TBC1D21: variants seen among roughly 807,000 people sequenced by gnomAD.
TBC1D21 encodes male germ cell Rab GTPase-activating protein.
TBC1D21 carries 38 observed loss-of-function variants against 46.0 expected under a neutral mutation model. The observed-to-expected ratio is 0.83, with a 90% confidence interval of 0.64 to 1.08. TBC1D21 has a LOEUF of 1.08. Among genes scored for constraint, TBC1D21 ranks in the 50% least tolerant of loss-of-function variants. TBC1D21 has a pLI of 0.00. For missense variants in TBC1D21, 415 were observed against 417.9 expected, an observed-to-expected ratio of 0.99 and a Z score of 0.06; for synonymous variants, 151 against 157.2, an observed-to-expected ratio of 0.96 and a Z score of 0.29.
At chr15:73,889,655 T>G (rs1595828827), downstream of TBC1D21, among the ~76,000 whole-genome samples, 1 of 152,236 alleles carries the variant, frequency 6.6e-6, no homozygotes, top group East Asian at 1.9e-4. Context: ...CTGGAAGAAC[T>G]ATCTGATGAG....
At chr15:73,892,659 C>T (rs2068346265), downstream of TBC1D21, among the ~76,000 whole-genome samples, 1 of 152,256 alleles carries the variant, frequency 6.6e-6, no homozygotes, top group South Asian at 2.1e-4. Flanking sequence ...CACACTCATT[C>T]GTTCACACAC....
the TBC1D21 span, among the ~76,000 whole-genome samples, chr15:73,907,099 C>A: frequency 4.4e-4 from 67 of 151,638 alleles, no homozygotes; most frequent in African/African-American, 1.6e-3. Flanking sequence ...TCCTCCTCCT[C>A]CTTCTCCTCC....
chr15:73,875,246 CA>C (rs36042249), intron 1 of TBC1D21, among the ~76,000 whole-genome samples: 58,634 of 102,428 alleles, frequency 0.57, 14,293 homozygotes, highest in Middle Eastern at 0.67. Flanking sequence ...GAGACTCCAT[CA>C]AAAAAAAAAA....
In TBC1D21 at chr15:73,886,137, G is replaced by A; in HGVS notation, c.639G>A (p.Leu213=). The A allele has an allele frequency of 6.2e-7, 1 of 1,614,210 alleles. No individual in the cohort carries two copies. ...VAKNLDMLST[L]ITFLDPVFAE... ...AGAACCTAGACATGCTCAGCACCCTGATCACCTTCCTGGACCCCGTGTTTG... is the reference window on the plus strand; with the variant it reads ...AGAACCTAGACATGCTCAGCACCCTAATCACCTTCCTGGACCCCGTGTTTG... The change falls in exon 7 of 11, where the codon CTG becomes CTA. Residue 213 remains leucine, a synonymous_variant. Transcript: ENST00000300504.
chr15:73,878,812 A>G (rs994177356), intron 1 of TBC1D21, among the ~76,000 whole-genome samples: 3 of 152,192 alleles, frequency 2.0e-5, no homozygotes, highest in Admixed American at 6.5e-5. Context: ...ATTTCCTTTT[A>G]TAGTTAAGGA....
intron 3 of TBC1D21, among the ~76,000 whole-genome samples, chr15:73,882,848 C>T (rs1191324386): frequency 6.6e-6 from 1 of 152,220 alleles, no homozygotes; most frequent in African/African-American, 2.4e-5. Context: ...AAGCCGGAGG[C>T]CCTTGACTTG....
chr15:73,893,599 C>T (rs192460382), downstream of TBC1D21, among the ~76,000 whole-genome samples: 90 of 152,330 alleles, frequency 5.9e-4, no homozygotes, highest in African/African-American at 2.1e-3. Flanking sequence ...GCTCTCTACC[C>T]ACTAACAACT....
intron 6 of TBC1D21, among the ~76,000 whole-genome samples, chr15:73,885,674 C>A (rs997330057): frequency 1.3e-5 from 2 of 151,966 alleles, no homozygotes; most frequent in African/African-American, 4.8e-5. Flanking sequence ...CCTCCCTCCA[C>A]CCCACCATCC....
At chr15:73,883,223 G>T (rs2068185086) in intron 3 of TBC1D21, among the ~76,000 whole-genome samples, 1 of 152,250 alleles carries the variant, frequency 6.6e-6, no homozygotes, top group Admixed American at 6.5e-5. Context: ...GTGACCCGGG[G>T]TGGGACGGGG....
At chr15:73,904,766 AAG>A in the TBC1D21 span, among the ~76,000 whole-genome samples, 1 of 152,182 alleles carries the variant, frequency 6.6e-6, no homozygotes, top group Non-Finnish European at 1.5e-5. Context: ...GTGTGTAGAA[AAG>A]AGAGAGACTC....
downstream of TBC1D21, among the ~76,000 whole-genome samples, chr15:73,889,644 C>G (rs1302015800): frequency 6.6e-6 from 1 of 152,216 alleles, no homozygotes; most frequent in Non-Finnish European, 1.5e-5. Context: ...AAGGGGCTGG[C>G]CTGGAAGAAC....
chr15:73,881,743 A>C lies in TBC1D21; in HGVS notation c.268A>C (p.Arg90=), dbSNP rs2068159397. The C allele has an allele frequency of 6.2e-7, 1 of 1,613,510 alleles. No individual in the cohort carries two copies. The highest frequency in any genetic ancestry group is 1.3e-5 in the African/African-American group (1 of 74,896). ...QDERLTVDSM[R]RKNYKALCQM... is the part of the protein sequence containing the mutation. ...TGAGCGGCTCACGGTGGACAGCATG[A>C]GGAGGTAGAACACTCCAGACCCTGC... The change falls in exon 3 of 11, where the codon AGG becomes CGG. Residue 90 remains arginine, a synonymous_variant. Transcript: ENST00000300504.
intron 6 of TBC1D21, among the ~76,000 whole-genome samples, chr15:73,885,669 C>T (rs1168622028): frequency 6.6e-6 from 1 of 151,958 alleles, no homozygotes; most frequent in Non-Finnish European, 1.5e-5. Context: ...TCATCCCTCC[C>T]TCCACCCCAC....
rs1451554053 is a variant in TBC1D21, at chr15:73,881,403, A to G, written c.65A>G (p.Lys22Arg). The G allele has an allele frequency of 6.2e-7, 1 of 1,614,016 alleles. No homozygotes were observed. Among genetic ancestry groups the G allele is most frequent in the Non-Finnish European group, 8.5e-7 (1 of 1,179,912 alleles). ...ARQSASFILVKRKPPIDKTEW... is the reference protein window; with the variant it reads ...ARQSASFILVRRKPPIDKTEW... ...ACTGGTTGCTGCTTTTGCCAGGTGA[A>G]GAGAAAACCACCCATTGACAAGACA... is the stretch of plus-strand genomic sequence containing the variant. Residue 22 changes from lysine to arginine, a missense_variant, in exon 2 of 11, where the codon AAG (lysine) becomes AGG (arginine). By Grantham distance (26) the Lys-to-Arg change is conservative (BLOSUM62 2). Transcript: ENST00000300504.
chr15:73,881,936 T>A (rs1280382932), intron 3 of TBC1D21, among the ~76,000 whole-genome samples, 189 bp downstream of exon 3: 1 of 152,052 alleles, frequency 6.6e-6, no homozygotes, highest in Non-Finnish European at 1.5e-5. Context: ...CTCCCTGAGC[T>A]CCATTTACCA....
At chr15:73,890,675 C>T (rs1020294312), downstream of TBC1D21, among the ~76,000 whole-genome samples, 3 of 151,916 alleles carry the variant, frequency 2.0e-5, no homozygotes, top group South Asian at 4.2e-4. Flanking sequence ...TTCAGATGGC[C>T]GATTATTTTT....
intron 3 of TBC1D21, among the ~76,000 whole-genome samples, chr15:73,882,902 G>A (rs1054020248): frequency 3.3e-5 from 5 of 152,204 alleles, no homozygotes; most frequent in East Asian, 3.9e-4. Flanking sequence ...TAGTGAGAAC[G>A]GAGCCTGTGT....
intron 6 of TBC1D21, 89 bp from the exon 7 acceptor site, chr15:73,885,989 C>G (rs531139986): frequency 4.6e-6 from 5 of 1,080,696 alleles, no homozygotes; most frequent in Non-Finnish European, 7.0e-6. Flanking sequence ...CACAGAGCCT[C>G]CAGAAGTGAA....
the TBC1D21 span, among the ~76,000 whole-genome samples, chr15:73,907,327 G>A: frequency 2.6e-5 from 4 of 152,116 alleles, no homozygotes; most frequent in Admixed American, 6.6e-5. Flanking sequence ...ATACTTCACC[G>A]GGCTGCTCTC....
Sources: gnomAD v4.1 joint callset for allele counts (sites outside exome capture counted in the v4.1 genomes callset) on GRCh38, gnomAD v4.1.1 for gene constraint, MANE v1.5 for transcripts, NCBI Gene and HGNC (gene_info 2026-07-23, HGNC 2026-07-21) for gene names.